Variants in SGCZ observed in about 807,000 individuals in gnomAD.
The protein encoded by SGCZ is sarcoglycan zeta.
Under a neutral mutation model 41.3 loss-of-function variants are expected in SGCZ, and 40 were observed. That is an observed-to-expected ratio of 0.97 (90% confidence interval 0.75 to 1.26). The LOEUF (loss-of-function observed/expected upper bound fraction) is 1.26, where lower values mean the gene tolerates loss of function less well. SGCZ is among the 50% of genes most tolerant of loss of function. The pLI, the probability that SGCZ is intolerant of heterozygous loss-of-function variation, is 0.00. For synonymous variants in SGCZ, 206 were observed against 137.5 expected (o/e 1.50, Z -3.49); for missense variants, 552 against 369.8 (o/e 1.49, Z -4.04).
chr8:14,829,813 G>GT (rs1417996556), intron 1 of SGCZ, among the ~76,000 whole-genome samples: 1 of 151,850 alleles, frequency 6.6e-6, no homozygotes, highest in Non-Finnish European at 1.5e-5. Context: ...GTTTTGTTTT[G>GT]TTTTGTTTTT....
intron 1 of SGCZ, among the ~76,000 whole-genome samples, chr8:14,957,239 T>C (rs897909377): frequency 1.3e-5 from 2 of 152,156 alleles, no homozygotes; most frequent in African/African-American, 4.8e-5. Context: ...GTAGAATGAA[T>C]ATGTATTAAC....
intron 1 of SGCZ, among the ~76,000 whole-genome samples, chr8:14,739,962 A>G (rs1474859262): frequency 6.6e-6 from 1 of 152,028 alleles, no homozygotes; most frequent in Non-Finnish European, 1.5e-5. Context: ...ACATCTGCAT[A>G]TGGAAATGGT....
intron 2 of SGCZ, among the ~76,000 whole-genome samples, chr8:14,540,516 G>T (rs1803432627): frequency 6.6e-6 from 1 of 150,890 alleles, no homozygotes; most frequent in South Asian, 2.1e-4. Context: ...CCCTTCCACT[G>T]ATTCCCAGAT....
At chr8:14,669,874 T>G (rs995584361) in intron 1 of SGCZ, among the ~76,000 whole-genome samples, 1 of 152,230 alleles carries the variant, frequency 6.6e-6, no homozygotes, top group African/African-American at 2.4e-5. Flanking sequence ...ATGGGGTTGC[T>G]GGATTTCATT....
At chr8:14,541,119 T>C (rs1803453580) in intron 2 of SGCZ, among the ~76,000 whole-genome samples, 2 of 151,878 alleles carry the variant, frequency 1.3e-5, no homozygotes, top group African/African-American at 2.4e-5. Context: ...ATATCAGATA[T>C]AAATAAACAG....
At chr8:15,193,281 T>G (rs1301609021) in intron 1 of SGCZ, among the ~76,000 whole-genome samples, 3 of 152,084 alleles carry the variant, frequency 2.0e-5, no homozygotes, top group African/African-American at 4.8e-5. Context: ...CTTGAATATA[T>G]CACTGAATAT....
At chr8:14,911,394 T>A (rs1049475731) in intron 1 of SGCZ, among the ~76,000 whole-genome samples, 39 of 151,902 alleles carry the variant, frequency 2.6e-4, no homozygotes, top group African/African-American at 8.5e-4. Flanking sequence ...TCAAAAGAAA[T>A]CTAGGACATT....
intron 1 of SGCZ, among the ~76,000 whole-genome samples, chr8:15,048,616 G>T (rs776452559): frequency 3.5e-4 from 53 of 152,134 alleles, no homozygotes; most frequent in Middle Eastern, 3.4e-3. Context: ...CAATTATTAT[G>T]CATCAATTTT....
At chr8:14,575,506 G>C (rs1387173083) in intron 1 of SGCZ, among the ~76,000 whole-genome samples, 2 of 152,302 alleles carry the variant, frequency 1.3e-5, no homozygotes, top group South Asian at 2.1e-4. Context: ...AAGAAGAAAA[G>C]ATGTTCAAAT....
intron 1 of SGCZ, among the ~76,000 whole-genome samples, chr8:15,008,865 T>G (rs1802717980): frequency 1.3e-5 from 2 of 151,342 alleles, no homozygotes; most frequent in South Asian, 4.2e-4. Context: ...AACTGACAAT[T>G]TTAAGTCCCT....
chr8:15,031,518 T>C (rs1229445115), intron 1 of SGCZ, among the ~76,000 whole-genome samples: 3 of 152,164 alleles, frequency 2.0e-5, no homozygotes, highest in Non-Finnish European at 4.4e-5. Flanking sequence ...TGAAGGACTT[T>C]ACATGTATTA....
At chr8:14,529,257 C>T (rs531721860) in intron 2 of SGCZ, among the ~76,000 whole-genome samples, 2 of 152,208 alleles carry the variant, frequency 1.3e-5, no homozygotes, top group African/African-American at 2.4e-5. Flanking sequence ...TGCTGAAGGG[C>T]AAGTAAGACA....
intron 2 of SGCZ, among the ~76,000 whole-genome samples, chr8:14,471,813 T>C (rs561675425): frequency 5.1e-4 from 78 of 152,212 alleles, no homozygotes; most frequent in African/African-American, 1.8e-3. Context: ...ATAATTGCTA[T>C]TATGACGATT....
intron 1 of SGCZ, among the ~76,000 whole-genome samples, chr8:15,032,891 G>T (rs1365288666): frequency 1.3e-5 from 2 of 152,052 alleles, no homozygotes; most frequent in African/African-American, 4.8e-5. Context: ...GTCCCCTGTG[G>T]CCCCAGGCTC....
In SGCZ at chr8:14,576,900, G is replaced by C. The variant is rs995848601; in HGVS notation, c.40-21974C>G. ...GAAGGAGCTATGAAGGATGGAAAGT[G>C]ATGAATCATTCATGCTCAATTTGAT... On this transcript the variant is annotated intron_variant, in intron 1 of 7. Transcript: ENST00000382080. Among the ~76,000 whole-genome samples the C allele has an allele frequency of 4.6e-5, 7 of 152,166 alleles. No homozygotes were observed. In the East Asian group the frequency reaches 1.3e-3, roughly 29 times the overall value.
chr8:15,226,378 A>C (rs62502025), intron 1 of SGCZ, among the ~76,000 whole-genome samples: 320 of 152,338 alleles, frequency 2.1e-3, no homozygotes, highest in Non-Finnish European at 3.3e-3. Flanking sequence ...GCAAGAGTGT[A>C]ACTCAAAGAT....
At chr8:14,569,850 G>T (rs1429898706) in intron 1 of SGCZ, among the ~76,000 whole-genome samples, 2 of 152,118 alleles carry the variant, frequency 1.3e-5, no homozygotes, top group African/African-American at 4.8e-5. Flanking sequence ...CTTGTTCAGG[G>T]TGGAGTGGGG....
intron 7 of SGCZ, among the ~76,000 whole-genome samples, chr8:14,100,959 G>A (rs1040111934): frequency 2.0e-5 from 3 of 152,016 alleles, no homozygotes; most frequent in Non-Finnish European, 2.9e-5. Context: ...CCTAGGGAAT[G>A]TATTGGTAGG....
rs1216754053 is a variant in SGCZ at position 14,088,690 on chromosome 8, A to C, written c.*1753T>G. On this transcript the variant is annotated 3_prime_UTR_variant, in exon 8 of 8. Transcript: ENST00000382080. Reference sequence around the variant, plus strand: ...CATTTTATTTTAACAGTAATAAATTAGCCTTTGAACCCTTCTGCTGAGTAC... The same window carrying C: ...CATTTTATTTTAACAGTAATAAATTCGCCTTTGAACCCTTCTGCTGAGTAC... Among the ~76,000 whole-genome samples, 3 of 151,946 alleles carry C rather than the reference A, an allele frequency of 2.0e-5. No individual in the cohort carries two copies. The highest frequency in any genetic ancestry group is 1.3e-4 in the Admixed American group (2 of 15,214).
Sources: gnomAD v4.1 joint callset for allele counts (sites outside exome capture counted in the v4.1 genomes callset) on GRCh38, gnomAD v4.1.1 for gene constraint, MANE v1.5 for transcripts, NCBI Gene and HGNC (gene_info 2026-07-23, HGNC 2026-07-21) for gene names.